ALK: variants seen among roughly 807,000 people sequenced by gnomAD.
ALK encodes ALK receptor tyrosine kinase.
Under a neutral mutation model 163.1 loss-of-function variants are expected in ALK, and 74 were observed. The observed-to-expected ratio is 0.45, with a 90% CI of 0.38 to 0.55. The LOEUF (loss-of-function observed/expected upper bound fraction) is 0.55, where lower values mean the gene tolerates loss of function less well. ALK is among the 20% of genes least tolerant of loss of function. The probability of loss-of-function intolerance (pLI) is 0.00; values close to 1 mark genes in which losing one functional copy is unlikely to be tolerated. For missense variants in ALK, 2,063 were observed against 2,105.3 expected (o/e 0.98, Z 0.39); for synonymous variants, 960 against 843.2 (o/e 1.14, Z -2.40).
chr2:29,564,915 C>T (rs1272166279), intron 3 of ALK, among the ~76,000 whole-genome samples: 3 of 152,164 alleles, frequency 2.0e-5, no homozygotes, highest in Admixed American at 1.3e-4. Flanking sequence ...ACTGGGAACC[C>T]AGGCTTGCAG....
chr2:29,854,860 G>A (rs1461966149), intron 1 of ALK, among the ~76,000 whole-genome samples: 1 of 152,164 alleles, frequency 6.6e-6, no homozygotes, highest in Non-Finnish European at 1.5e-5. Flanking sequence ...TGATGTGCGT[G>A]CATACTTTCT....
intron 3 of ALK, among the ~76,000 whole-genome samples, chr2:29,639,370 A>G (rs1284027899): frequency 6.6e-6 from 1 of 152,150 alleles, no homozygotes; most frequent in Non-Finnish European, 1.5e-5. Context: ...CCTTCTGTGC[A>G]CTGCCCCTGC....
intron 3 of ALK, among the ~76,000 whole-genome samples, chr2:29,683,352 G>A (rs1377889803): frequency 2.0e-5 from 3 of 151,974 alleles, no homozygotes; most frequent in Non-Finnish European, 4.4e-5. Context: ...ACTCCAGCCT[G>A]GGCAACAGAG....
At chr2:29,871,359 G>A (rs1299165658) in intron 1 of ALK, among the ~76,000 whole-genome samples, 1 of 152,150 alleles carries the variant, frequency 6.6e-6, no homozygotes, top group African/African-American at 2.4e-5. Flanking sequence ...CCTACTGGAC[G>A]GAATGTCCTG....
At chr2:29,881,331 A>G (rs1666859378) in intron 1 of ALK, among the ~76,000 whole-genome samples, 1 of 152,228 alleles carries the variant, frequency 6.6e-6, no homozygotes, top group South Asian at 2.1e-4. Flanking sequence ...AACTTGCTAA[A>G]TAGCTATAAT....
chr2:29,852,844 C>CTCTA (rs1195629946), intron 1 of ALK, among the ~76,000 whole-genome samples: 26 of 108,676 alleles, frequency 2.4e-4, no homozygotes, highest in African/African-American at 7.0e-4. Context: ...CTCTCTCTCT[C>CTCTA]TCTCTCTCTC....
chr2:29,371,067 A>G (rs1283968741), intron 5 of ALK, among the ~76,000 whole-genome samples: 1 of 152,248 alleles, frequency 6.6e-6, no homozygotes, highest in Non-Finnish European at 1.5e-5. Context: ...ATAGAACTCC[A>G]TAATGTTGGA....
At chr2:29,385,026 C>T (rs1402258548) in intron 4 of ALK, among the ~76,000 whole-genome samples, 2 of 150,814 alleles carry the variant, frequency 1.3e-5, no homozygotes, top group African/African-American at 2.4e-5. Flanking sequence ...TCCAGCCTGG[C>T]GATACAGACT....
chr2:29,477,299 T>C (rs6547933), intron 4 of ALK, among the ~76,000 whole-genome samples: 126,814 of 152,096 alleles, frequency 0.83, 53,273 homozygotes, highest in Non-Finnish European at 0.89. Context: ...GGCTTTGCTA[T>C]ATACCAGCTG....
intron 4 of ALK, among the ~76,000 whole-genome samples, chr2:29,428,794 A>G (rs1326312262): frequency 6.6e-6 from 1 of 152,052 alleles, no homozygotes; most frequent in East Asian, 1.9e-4. Context: ...AGAACCAGAC[A>G]AAGTTATTAC....
chr2:29,699,714 C>T (rs764728421), intron 2 of ALK, among the ~76,000 whole-genome samples: 3 of 152,022 alleles, frequency 2.0e-5, no homozygotes, highest in Non-Finnish European at 4.4e-5. Context: ...TTGTTTTAAC[C>T]CAAGAGAATC....
chr2:29,694,879 C>CCAG lies in ALK; in HGVS notation c.920_922dup (p.Pro307_Gly308insAla), dbSNP rs746818719. The CCAG allele has an allele frequency of 6.4e-5, 104 of 1,613,888 alleles. No individual in the cohort carries two copies. The highest frequency in any genetic ancestry group is 8.3e-5 in the Non-Finnish European group (98 of 1,179,972). On this transcript the variant is annotated inframe_insertion, in exon 3 of 29. Coordinates refer to ENST00000389048, the MANE Select transcript of ALK (RefSeq NM_004304.5). ...GGGCATCTCCTTAGAACGCTCTGCC[C>CCAG]CAGGCCCATCCAGCAAGTCCATCTG...
chr2:29,897,977 G>A (rs961158238), intron 1 of ALK, among the ~76,000 whole-genome samples: 3 of 152,174 alleles, frequency 2.0e-5, no homozygotes, highest in Non-Finnish European at 4.4e-5. Context: ...CATATCCAAA[G>A]GCAAAATTAT....
At chr2:29,729,432 T>G (rs935943162) in intron 1 of ALK, among the ~76,000 whole-genome samples, 1 of 151,896 alleles carries the variant, frequency 6.6e-6, no homozygotes, top group Admixed American at 6.6e-5. Context: ...AGAAACGTGG[T>G]GGGGGAAAGA....
intron 3 of ALK, among the ~76,000 whole-genome samples, chr2:29,602,156 C>T (rs1455485584): frequency 6.6e-6 from 1 of 152,118 alleles, no homozygotes; most frequent in African/African-American, 2.4e-5. Flanking sequence ...ATTTTGCCAG[C>T]AGGATGGGAT....
At chr2:29,702,528 A>G (rs1288291782) in intron 2 of ALK, among the ~76,000 whole-genome samples, 2 of 152,240 alleles carry the variant, frequency 1.3e-5, no homozygotes, top group Non-Finnish European at 2.9e-5. Flanking sequence ...CGGCTCAGGA[A>G]GCCAAAGCCA....
chr2:29,216,906 G>T (rs1405912503), intron 23 of ALK, among the ~76,000 whole-genome samples: 1 of 145,636 alleles, frequency 6.9e-6, no homozygotes, highest in Non-Finnish European at 1.5e-5. Context: ...GTGAGTATAT[G>T]TGGTATATGT....
chr2:29,419,137 C>A (rs1669954620), intron 4 of ALK, among the ~76,000 whole-genome samples: 1 of 151,296 alleles, frequency 6.6e-6, no homozygotes, highest in African/African-American at 2.5e-5. Flanking sequence ...TTACTGCAAC[C>A]TCCGCCTCCC....
intron 26 of ALK, among the ~76,000 whole-genome samples, chr2:29,202,551 T>C (rs1383045481): frequency 1.3e-5 from 2 of 152,246 alleles, no homozygotes; most frequent in Non-Finnish European, 2.9e-5. Context: ...CCTACAATTG[T>C]ATGTTTCACA....
Sources: gnomAD v4.1 joint callset for allele counts (sites outside exome capture counted in the v4.1 genomes callset) on GRCh38, gnomAD v4.1.1 for gene constraint, MANE v1.5 for transcripts, NCBI Gene and HGNC (gene_info 2026-07-23, HGNC 2026-07-21) for gene names.